BMERB1: variants seen among roughly 807,000 people sequenced by gnomAD.
BMERB1 encodes bMERB domain-containing protein 1.
Under a neutral mutation model 23.6 loss-of-function variants are expected in BMERB1, and 12 were observed. The observed-to-expected ratio is 0.51, with a 90% CI of 0.33 to 0.82. The LOEUF is 0.82. Among genes scored for constraint, BMERB1 ranks in the 40% least tolerant of loss-of-function variants. BMERB1 has a pLI of 0.03. For synonymous variants in BMERB1, 122 were observed against 96.6 expected (o/e 1.26, Z -1.54); for missense variants, 247 against 255.4 (o/e 0.97, Z 0.22).
chr16:15,491,375 CAG>C (rs2051418246), intron 1 of BMERB1, among the ~76,000 whole-genome samples: 1 of 151,368 alleles, frequency 6.6e-6, no homozygotes, highest in Non-Finnish European at 1.5e-5. Context: ...TTTTTTCAGA[CAG>C]AGTTTCCCTC....
rs55913422 is a variant in BMERB1 at position 15,446,288 on chromosome 16, C to G, written c.106+11529C>G. ...ATGTGCACCTGTAGTCCTAGCTACC[C>G]GGGGGCTGAGGTGGGAGAATCTCTT... On this transcript the variant is annotated intron_variant, in intron 1 of 5. Coordinates refer to ENST00000300006, the MANE Select transcript of BMERB1 (RefSeq NM_033201.3). Among the ~76,000 whole-genome samples the G allele has an allele frequency of 2.0e-5, 3 of 151,894 alleles. No homozygotes were observed. In the East Asian group the frequency reaches 5.8e-4, roughly 29 times the overall value.
intron 1 of BMERB1, among the ~76,000 whole-genome samples, chr16:15,491,709 C>T (rs1312974731): frequency 6.6e-6 from 1 of 152,124 alleles, no homozygotes; most frequent in South Asian, 2.1e-4. Flanking sequence ...CTTCTGCACT[C>T]GTGGATCCTC....
At chr16:15,566,066 C>A (rs1008522264) in intron 2 of BMERB1, among the ~76,000 whole-genome samples, 51 of 152,254 alleles carry the variant, frequency 3.3e-4, no homozygotes, top group African/African-American at 1.2e-3. Flanking sequence ...CAAAATTGCT[C>A]AAACCTGAAA....
chr16:15,447,681 T>A (rs1171203812), intron 1 of BMERB1, among the ~76,000 whole-genome samples: 2 of 151,938 alleles, frequency 1.3e-5, no homozygotes, highest in Non-Finnish European at 2.9e-5. Context: ...GAGAGAGAAG[T>A]TAAATTTAAG....
intron 2 of BMERB1, among the ~76,000 whole-genome samples, chr16:15,521,864 C>T (rs1285025461): frequency 2.6e-5 from 4 of 152,132 alleles, no homozygotes; most frequent in Admixed American, 2.6e-4. Context: ...CTAGTACCTC[C>T]CACTGCTACC....
At chr16:15,552,659 G>C (rs979484440) in intron 2 of BMERB1, among the ~76,000 whole-genome samples, 1 of 152,208 alleles carries the variant, frequency 6.6e-6, no homozygotes, top group African/African-American at 2.4e-5. Flanking sequence ...GGTCTCAGTC[G>C]AAGCAGTGGG....
intron 4 of BMERB1, among the ~76,000 whole-genome samples, chr16:15,582,140 G>A (rs958062591): frequency 1.3e-5 from 2 of 152,192 alleles, no homozygotes; most frequent in Non-Finnish European, 2.9e-5. Flanking sequence ...GCTGACGCCT[G>A]TAATCCCAGC....
rs139704322 is a variant in BMERB1 at position 15,560,168 on chromosome 16, C to T, written c.231-7815C>T. ...TGATGGAGTCCTGCAGCGTGAATCC[C>T]GTCAGCAGTTCTGTAGAGCTCCACC... On this transcript the variant is annotated intron_variant, in intron 2 of 5. Transcript: ENST00000300006. Among the ~76,000 whole-genome samples the T allele has an allele frequency of 1.1e-3, 160 of 152,258 alleles. 1 individual carries two copies. In the South Asian group the frequency reaches 0.018, roughly 17 times the overall value.
At chr16:15,521,136 T>G (rs554825743) in intron 2 of BMERB1, among the ~76,000 whole-genome samples, 2 of 152,364 alleles carry the variant, frequency 1.3e-5, no homozygotes, top group East Asian at 3.9e-4. Context: ...TCCCATCTCC[T>G]TGGCTGCAGC....
intron 1 of BMERB1, among the ~76,000 whole-genome samples, chr16:15,490,837 TTTTTTA>T (rs1412573940): frequency 1.3e-5 from 2 of 152,190 alleles, no homozygotes; most frequent in South Asian, 2.1e-4. Flanking sequence ...TTTATTCTTA[TTTTTTA>T]TTTTTATTTA....
chr16:15,554,492 T>A (rs938257674), intron 2 of BMERB1, among the ~76,000 whole-genome samples: 2 of 152,036 alleles, frequency 1.3e-5, no homozygotes, highest in Non-Finnish European at 2.9e-5. Context: ...TTATGTAATA[T>A]TTGTATAATT....
At chr16:15,554,038 T>C (rs1276458786) in intron 2 of BMERB1, among the ~76,000 whole-genome samples, 2 of 152,178 alleles carry the variant, frequency 1.3e-5, no homozygotes, top group Non-Finnish European at 2.9e-5. Flanking sequence ...TACCCTGGCA[T>C]ACCACACCCA....
intron 2 of BMERB1, among the ~76,000 whole-genome samples, chr16:15,564,063 A>G (rs1379981400): frequency 6.6e-6 from 1 of 152,178 alleles, no homozygotes; most frequent in African/African-American, 2.4e-5. Flanking sequence ...ACTTCTGCAC[A>G]CATGAGCTCC....
intron 2 of BMERB1, among the ~76,000 whole-genome samples, chr16:15,538,657 G>A (rs1001169779): frequency 1.3e-5 from 2 of 152,130 alleles, no homozygotes; most frequent in East Asian, 1.9e-4. Flanking sequence ...GTCCAGAATC[G>A]CTCTGGTGAT....
intron 1 of BMERB1, among the ~76,000 whole-genome samples, chr16:15,485,627 C>T (rs2051361813): frequency 6.6e-6 from 1 of 151,944 alleles, no homozygotes; most frequent in African/African-American, 2.4e-5. Flanking sequence ...TTTCCCCGAG[C>T]ACCATCCCAA....
chr16:15,547,013 C>CTTT (rs34983068), intron 2 of BMERB1, among the ~76,000 whole-genome samples: 2 of 130,188 alleles, frequency 1.5e-5, no homozygotes, highest in Non-Finnish European at 3.2e-5. Context: ...GCTCTTTTAG[C>CTTT]TTTTTTTTTT....
chr16:15,494,523 A>C (rs887488933), intron 1 of BMERB1, among the ~76,000 whole-genome samples: 1 of 152,138 alleles, frequency 6.6e-6, no homozygotes, highest in South Asian at 2.1e-4. Flanking sequence ...ACACACACGT[A>C]ATTCAAATGC....
chr16:15,442,955 G>C (rs2050953898), intron 1 of BMERB1, among the ~76,000 whole-genome samples: 1 of 152,040 alleles, frequency 6.6e-6, no homozygotes, highest in African/African-American at 2.4e-5. Flanking sequence ...CAGCCATAAA[G>C]AACACCACAG....
intron 1 of BMERB1, among the ~76,000 whole-genome samples, chr16:15,502,113 T>C (rs561379851): frequency 2.6e-5 from 4 of 152,358 alleles, no homozygotes; most frequent in African/African-American, 9.6e-5. Flanking sequence ...CCGGACCATC[T>C]ACTCATGTCT....
Sources: allele counts gnomAD v4.1 joint callset (sites outside exome capture counted in the v4.1 genomes callset), GRCh38; gene constraint gnomAD v4.1.1; transcripts MANE v1.5; gene names NCBI Gene and HGNC (gene_info 2026-07-23, HGNC 2026-07-21).